Variants in NTRK2 observed in about 807,000 individuals in gnomAD.
The protein encoded by NTRK2 is neurotrophic receptor tyrosine kinase 2.
Under a neutral mutation model 94.5 loss-of-function variants are expected in NTRK2, and 13 were observed. The observed-to-expected ratio is 0.14, with a 90% CI of 0.09 to 0.22. The LOEUF is 0.22. NTRK2 is among the 10% of genes least tolerant of loss of function. NTRK2 has a pLI of 1.00. For missense variants in NTRK2, 639 were observed against 1,071.2 expected, an observed-to-expected ratio of 0.60 and a Z score of 5.63; for synonymous variants, 372 against 407.4, an observed-to-expected ratio of 0.91 and a Z score of 1.05.
intron 14 of NTRK2, among the ~76,000 whole-genome samples, chr9:84,902,368 T>A (rs1196408404): frequency 6.6e-6 from 1 of 152,064 alleles, no homozygotes; most frequent in Non-Finnish European, 1.5e-5. Flanking sequence ...GCTGTAAGAA[T>A]GTGAGAATTA....
chr9:84,770,269 A>C (rs138434265), intron 12 of NTRK2, among the ~76,000 whole-genome samples: 45 of 152,014 alleles, frequency 3.0e-4, no homozygotes, highest in Non-Finnish European at 5.1e-4. Context: ...GGTTTTGCTG[A>C]TGAGTGGTGA....
chr9:84,950,496 C>G (rs550063885), intron 16 of NTRK2, among the ~76,000 whole-genome samples: 2 of 152,316 alleles, frequency 1.3e-5, no homozygotes, highest in East Asian at 3.9e-4. Flanking sequence ...CTGCTGGTGT[C>G]CCTTAAAAGA....
At chr9:84,722,492 A>G (rs954229744) in intron 6 of NTRK2, among the ~76,000 whole-genome samples, 2 of 152,106 alleles carry the variant, frequency 1.3e-5, no homozygotes, top group Non-Finnish European at 2.9e-5. Flanking sequence ...TTGAAAATGA[A>G]TCGCCTTCTT....
At chr9:85,010,804 C>T (rs551219443) in intron 17 of NTRK2, among the ~76,000 whole-genome samples, 112 of 152,320 alleles carry the variant, frequency 7.4e-4, no homozygotes, top group African/African-American at 2.6e-3. Context: ...GATTTACTTG[C>T]TCCCCATTAG....
At chr9:84,803,434 A>G (rs983539658) in intron 12 of NTRK2, among the ~76,000 whole-genome samples, 2 of 152,206 alleles carry the variant, frequency 1.3e-5, no homozygotes, top group African/African-American at 4.8e-5. Context: ...AGAAGCAGAT[A>G]TGCGGCCCTA....
At chr9:84,816,275 G>A (rs564150023) in intron 12 of NTRK2, among the ~76,000 whole-genome samples, 2 of 152,218 alleles carry the variant, frequency 1.3e-5, no homozygotes, top group Admixed American at 1.3e-4. Flanking sequence ...CTATCCTCAG[G>A]TCAGCTGCAT....
Position 84,670,577 on chromosome 9 carries a change from ACT to A in NTRK2, c.-169_-168del. The A allele has an allele frequency of 1.5e-6, 1 of 684,042 alleles. No individual in the cohort carries two copies. Among genetic ancestry groups the A allele is most frequent in the South Asian group, 1.7e-5 (1 of 57,828 alleles). 42.4% of individuals were successfully genotyped at this position (684,042 alleles called of 1,614,324 possible). A position where few individuals can be genotyped will look rare whatever the true frequency, so the allele number is the denominator to read the frequency against. On this transcript the variant is annotated 5_prime_UTR_variant, in exon 2 of 19. Coordinates refer to ENST00000277120, the MANE Select transcript of NTRK2 (RefSeq NM_006180.6). ...TGTGAACCCTGCCGCCTGCCGGAAC[ACT>A]CTTCGCTCCGGACCAGCTCAGCCTC...
rs1216498347 is a variant in NTRK2, at chr9:85,023,581, T to C, written c.*2144T>C. ...AGAGTTGGGTCGTTTGTTCTCTTTG[T>C]TGATGATTTTAAAAAAACCCTCTAG... On this transcript the variant is annotated 3_prime_UTR_variant, in exon 19 of 19. Transcript: ENST00000277120. The C allele has an allele frequency of 4.4e-6, 1 of 229,408 alleles. No individual in the cohort carries two copies. Among genetic ancestry groups the C allele is most frequent in the Non-Finnish European group, 8.6e-6 (1 of 116,832 alleles). 14.2% of individuals were successfully genotyped at this position (229,408 alleles called of 1,614,324 possible).
intron 17 of NTRK2, among the ~76,000 whole-genome samples, chr9:84,961,499 C>T (rs1389546927): frequency 6.6e-6 from 1 of 152,180 alleles, no homozygotes; most frequent in Non-Finnish European, 1.5e-5. Flanking sequence ...TTAAACGGGA[C>T]TTGCATAAAC....
chr9:84,973,326 C>T (rs528132314), intron 17 of NTRK2, among the ~76,000 whole-genome samples: 1 of 152,282 alleles, frequency 6.6e-6, no homozygotes, highest in South Asian at 2.1e-4. Flanking sequence ...CAGCAGAACT[C>T]ACCAACTTTG....
intron 12 of NTRK2, among the ~76,000 whole-genome samples, chr9:84,803,414 C>T (rs1172568848): frequency 6.6e-6 from 1 of 152,236 alleles, no homozygotes; most frequent in Non-Finnish European, 1.5e-5. Flanking sequence ...CATCTGCCTG[C>T]AGCAGCGTCA....
chr9:84,742,803 T>G (rs1238081862), intron 10 of NTRK2, among the ~76,000 whole-genome samples: 4 of 138,304 alleles, frequency 2.9e-5, no homozygotes, highest in African/African-American at 6.1e-5. Context: ...TTTTTTTTTT[T>G]TTTTTTTTTT....
intron 2 of NTRK2, among the ~76,000 whole-genome samples, chr9:84,689,817 C>G (rs531037221): frequency 2.6e-5 from 4 of 152,272 alleles, no homozygotes; most frequent in East Asian, 1.9e-4. Context: ...CTGGCAACCA[C>G]CATTCTACTT....
chr9:84,873,289 G>A lies in NTRK2; in HGVS notation c.1633+5858G>A, dbSNP rs200358775. The A allele has an allele frequency of 8.6e-4, 907 of 1,059,094 alleles. 13 individuals are homozygous for A. In the South Asian group the frequency reaches 0.035, roughly 41 times the overall value. 65.6% of individuals were successfully genotyped at this position (1,059,094 alleles called of 1,614,324 possible). ...TGGCTGCTTTGGGAGTTGTTTGTAT[G>A]CCTTGGAAGGCCATGGCCTGCACTT... On this transcript the variant is annotated intron_variant, in intron 14 of 18. Transcript: ENST00000277120.
chr9:84,670,787 G>A lies in NTRK2; in HGVS notation c.39G>A (p.Ala13=), dbSNP rs202111140. Residue 13 remains alanine (A), a synonymous_variant, in exon 2 of 19, where the codon GCG becomes GCA. Coordinates refer to ENST00000277120, the MANE Select transcript of NTRK2 (RefSeq NM_006180.6). ...TAAGGTGGCATGGACCCGCCATGGCGCGGCTCTGGGGCTTCTGCTGGCTGG... is the reference window on the plus strand; with the variant it reads ...TAAGGTGGCATGGACCCGCCATGGCACGGCTCTGGGGCTTCTGCTGGCTGG... ...SWIRWHGPAM[A]RLWGFCWLVV... is the part of the protein sequence containing the mutation. The A allele has an allele frequency of 3.8e-5, 62 of 1,613,824 alleles. No homozygotes were observed. Among genetic ancestry groups the A allele is most frequent in the Non-Finnish European group, 5.2e-5 (61 of 1,180,046 alleles).
chr9:84,880,506 T>C lies in NTRK2; in HGVS notation c.1633+13075T>C, dbSNP rs558384887. Among the ~76,000 whole-genome samples the C allele has an allele frequency of 4.6e-4, 70 of 152,366 alleles. 1 individual carries two copies. The South Asian group carries it at 0.014, about 31-fold the overall frequency. On this transcript the variant is annotated intron_variant, in intron 14 of 18. Coordinates refer to ENST00000277120, the MANE Select transcript of NTRK2 (RefSeq NM_006180.6). The stretch of plus-strand genomic sequence containing the variant: ...TTCATTTTCCATTCAAAGGTCCATG[T>C]TTCCAAACTGGCTAATTGAATGGAG...
chr9:84,872,250 A>T, intron 14 of NTRK2: 1 of 1,126,712 alleles, frequency 8.9e-7, no homozygotes, highest in Middle Eastern at 3.9e-4. Flanking sequence ...TTGACTGCTG[A>T]GAAACTTTTT....
intron 12 of NTRK2, among the ~76,000 whole-genome samples, chr9:84,788,117 A>G (rs1275692924): frequency 6.6e-6 from 1 of 152,234 alleles, no homozygotes; most frequent in African/African-American, 2.4e-5. Context: ...TAAGCATAAG[A>G]GTAACATCCA....
At chr9:84,900,134 A>G (rs2076882512) in intron 14 of NTRK2, among the ~76,000 whole-genome samples, 1 of 152,164 alleles carries the variant, frequency 6.6e-6, no homozygotes, top group African/African-American at 2.4e-5. Flanking sequence ...TGGAAATCAG[A>G]CCAGTTTCAT....
Sources: allele counts gnomAD v4.1 joint callset (sites outside exome capture counted in the v4.1 genomes callset), GRCh38; gene constraint gnomAD v4.1.1; transcripts MANE v1.5; gene names NCBI Gene and HGNC (gene_info 2026-07-23, HGNC 2026-07-21).